NDUFAF2: variants seen among roughly 807,000 people sequenced by gnomAD.
NDUFAF2 encodes the protein NADH dehydrogenase [ubiquinone] 1 alpha subcomplex assembly factor 2.
Under a neutral mutation model 22.8 loss-of-function variants are expected in NDUFAF2, and 13 were observed. The observed-to-expected ratio is 0.57, with a 90% confidence interval of 0.37 to 0.91. The LOEUF is 0.91. Among genes scored for constraint, NDUFAF2 ranks in the 40% least tolerant of loss-of-function variants. The pLI, the probability that NDUFAF2 is intolerant of heterozygous loss-of-function variation, is 0.01. For synonymous variants in NDUFAF2, 53 were observed against 64.2 expected (o/e 0.83, Z 0.84); for missense variants, 162 against 195.2 (o/e 0.83, Z 1.01).
At chr5:61,123,469 G>T (rs1191573986) in intron 3 of NDUFAF2, among the ~76,000 whole-genome samples, 1 of 152,062 alleles carries the variant, frequency 6.6e-6, no homozygotes, top group Non-Finnish European at 1.5e-5. Flanking sequence ...GTAAATATTT[G>T]TGTTTCTAAG....
At chr5:61,124,081 T>C (rs1753006725) in intron 3 of NDUFAF2, among the ~76,000 whole-genome samples, 1 of 152,084 alleles carries the variant, frequency 6.6e-6, no homozygotes, top group Non-Finnish European at 1.5e-5. Flanking sequence ...TTTTCTTTAA[T>C]CAGAACAATA....
At chr5:61,046,378 T>C (rs1468287556) in intron 1 of NDUFAF2, among the ~76,000 whole-genome samples, 2 of 152,098 alleles carry the variant, frequency 1.3e-5, no homozygotes, top group Admixed American at 1.3e-4. Context: ...TTGGTATTAG[T>C]TCTTTAATTG....
intron 1 of NDUFAF2, among the ~76,000 whole-genome samples, chr5:60,987,504 C>A (rs940915967): frequency 6.6e-6 from 1 of 152,142 alleles, no homozygotes; most frequent in Non-Finnish European, 1.5e-5. Context: ...AGGCCAATAT[C>A]TTTCATGAAC....
intron 1 of NDUFAF2, among the ~76,000 whole-genome samples, chr5:61,013,189 T>A (rs1751461847): frequency 6.6e-6 from 1 of 152,076 alleles, no homozygotes; most frequent in African/African-American, 2.4e-5. Context: ...GGAGAGTAGC[T>A]TTTTTAAAAA....
chr5:61,006,054 G>C (rs900732267), intron 1 of NDUFAF2, among the ~76,000 whole-genome samples: 48 of 152,124 alleles, frequency 3.2e-4, no homozygotes, highest in Middle Eastern at 3.4e-3. Flanking sequence ...AGGTTTTCTT[G>C]TAGGGTTTTT....
At chr5:61,073,692 T>G (rs1311200323) in intron 2 of NDUFAF2, among the ~76,000 whole-genome samples, 1 of 152,234 alleles carries the variant, frequency 6.6e-6, no homozygotes, top group Non-Finnish European at 1.5e-5. Context: ...GATAACTGAC[T>G]GCCTGTTAAG....
intron 1 of NDUFAF2, among the ~76,000 whole-genome samples, chr5:60,961,956 TTCTC>T (rs935235472): frequency 1.3e-5 from 2 of 151,482 alleles, no homozygotes; most frequent in African/African-American, 4.9e-5. Flanking sequence ...GCAAGACTCT[TTCTC>T]TAAAAAAAAA....
chr5:61,129,008 A>G (rs1329338392), intron 3 of NDUFAF2, among the ~76,000 whole-genome samples: 1 of 152,234 alleles, frequency 6.6e-6, no homozygotes, highest in Non-Finnish European at 1.5e-5. Context: ...CACTTCTCAA[A>G]AGAAGACATT....
At chr5:61,058,475 A>C (rs1178170095) in intron 1 of NDUFAF2, among the ~76,000 whole-genome samples, 1 of 152,000 alleles carries the variant, frequency 6.6e-6, no homozygotes, top group African/African-American at 2.4e-5. Flanking sequence ...GTCACTATAA[A>C]ATAAGATTTC....
At chr5:61,015,805 TTA>T (rs1241847394) in intron 1 of NDUFAF2, among the ~76,000 whole-genome samples, 1 of 152,164 alleles carries the variant, frequency 6.6e-6, no homozygotes, top group Admixed American at 6.5e-5. Context: ...TAATTACAGA[TTA>T]TATATAGTTT....
At position 61,152,929 on chromosome 5, in the gene NDUFAF2, C is replaced by T. The variant is rs765241458; in HGVS notation, c.484C>T (p.Arg162Ter). ...CTTTCAGCCAGGATCCTGGATGCCA[C>T]GAGATGGCAAGAGCCACAATCAATG... ...KTFQPGSWMP[R>*]DGKSHNQ The change falls in exon 4 of 4, where the codon CGA becomes TGA. Residue 162 changes from arginine (R) to a stop codon, truncating the protein, a stop_gained. Coordinates refer to ENST00000296597, the MANE Select transcript of NDUFAF2 (RefSeq NM_174889.5). LOFTEE classifies it high-confidence loss of function. The T allele has an allele frequency of 1.9e-6, 3 of 1,613,746 alleles. No homozygotes were observed. Among genetic ancestry groups the T allele is most frequent in the Non-Finnish European group, 1.7e-6 (2 of 1,179,818 alleles).
At chr5:61,084,723 G>A (rs1055134225) in intron 2 of NDUFAF2, among the ~76,000 whole-genome samples, 7 of 151,952 alleles carry the variant, frequency 4.6e-5, no homozygotes, top group African/African-American at 1.7e-4. Flanking sequence ...TCCATTCATC[G>A]AATGATGGAC....
intron 1 of NDUFAF2, among the ~76,000 whole-genome samples, chr5:61,035,069 T>C (rs1202186077): frequency 2.8e-5 from 4 of 140,454 alleles, no homozygotes; most frequent in African/African-American, 7.8e-5. Context: ...GAAGATAGTG[T>C]ATTTTTTTTT....
At chr5:61,104,504 T>A (rs1579831636) in intron 3 of NDUFAF2, among the ~76,000 whole-genome samples, 2 of 152,022 alleles carry the variant, frequency 1.3e-5, no homozygotes, top group African/African-American at 4.8e-5. Flanking sequence ...GAATAGAGAA[T>A]GGAGTTGGAG....
intron 1 of NDUFAF2, among the ~76,000 whole-genome samples, chr5:60,984,519 A>T (rs62367878): frequency 0.4 from 60,582 of 151,876 alleles, 12,995 homozygotes; most frequent in East Asian, 0.81. Context: ...ATTCAGTATG[A>T]TATTGGCTGT....
chr5:60,970,491 A>G (rs1329609489), intron 1 of NDUFAF2, among the ~76,000 whole-genome samples: 1 of 152,062 alleles, frequency 6.6e-6, no homozygotes, highest in Non-Finnish European at 1.5e-5. Flanking sequence ...GTACTTATTA[A>G]TGGGATTTCT....
intron 1 of NDUFAF2, among the ~76,000 whole-genome samples, chr5:60,982,389 T>G (rs543062145): frequency 1.3e-5 from 2 of 152,082 alleles, no homozygotes; most frequent in Non-Finnish European, 2.9e-5. Context: ...CCCGTTTTTA[T>G]TTTTTAATTT....
At chr5:61,119,835 C>A (rs1752955037) in intron 3 of NDUFAF2, among the ~76,000 whole-genome samples, 1 of 152,170 alleles carries the variant, frequency 6.6e-6, no homozygotes, top group Admixed American at 6.6e-5. Flanking sequence ...GACTCTCTGG[C>A]TTAGCCAATA....
intron 1 of NDUFAF2, among the ~76,000 whole-genome samples, chr5:60,978,360 T>C (rs959606807): frequency 6.6e-6 from 1 of 152,138 alleles, no homozygotes; most frequent in Non-Finnish European, 1.5e-5. Context: ...ACTGGGTAAT[T>C]TATGGAGAAA....
Sources: gnomAD v4.1 joint callset for allele counts (sites outside exome capture counted in the v4.1 genomes callset) on GRCh38, gnomAD v4.1.1 for gene constraint, MANE v1.5 for transcripts, NCBI Gene and HGNC (gene_info 2026-07-23, HGNC 2026-07-21) for gene names.